NCLN: variants seen among roughly 807,000 people sequenced by gnomAD.
NCLN encodes BOS complex subunit NCLN.
A neutral mutation model predicts 69.5 loss-of-function variants in NCLN; 34 were observed. The ratio of observed to expected loss-of-function variants is 0.49; its 90% CI spans 0.37 to 0.65. NCLN has a LOEUF of 0.65. Among genes scored for constraint, NCLN ranks in the 30% least tolerant of loss-of-function variants. NCLN has a pLI of 0.00. For synonymous variants in NCLN, 393 were observed against 358.3 expected, an observed-to-expected ratio of 1.10 and a Z score of -1.09; for missense variants, 710 against 804.8, an observed-to-expected ratio of 0.88 and a Z score of 1.42.
At chr19:3,190,400 T>C (rs1231024253) in intron 1 of NCLN, among the ~76,000 whole-genome samples, 1 of 152,072 alleles carries the variant, frequency 6.6e-6, no homozygotes, top group African/African-American at 2.4e-5. Context: ...CATTCCCACC[T>C]GAGACCTGTG....
At chr19:3,193,225 C>T in intron 2 of NCLN, 59 bp from the exon 3 acceptor site, 2 of 1,545,540 alleles carry the variant, frequency 1.3e-6, no homozygotes, top group Non-Finnish European at 1.7e-6. Flanking sequence ...ACTGGGCCCC[C>T]TGCTACCTTG....
chr19:3,192,987 C>T (rs1423457397), intron 2 of NCLN, among the ~76,000 whole-genome samples: 1 of 136,184 alleles, frequency 7.3e-6, no homozygotes, highest in Admixed American at 9.0e-5. Flanking sequence ...GAGAACCTGC[C>T]TAGAGTGAAC....
At chr19:3,188,253 C>T (rs1915721042) in intron 1 of NCLN, among the ~76,000 whole-genome samples, 3 of 151,846 alleles carry the variant, frequency 2.0e-5, no homozygotes, top group Admixed American at 2.0e-4. Context: ...GTGTGGGCCC[C>T]CTTTCTCTCC....
chr19:3,203,262 T>C (rs773876943), intron 6 of NCLN, among the ~76,000 whole-genome samples: 7 of 151,590 alleles, frequency 4.6e-5, no homozygotes, highest in Non-Finnish European at 7.4e-5. Context: ...GAGCCGAGAC[T>C]GCACCATTGC....
rs1302963547 is a variant in NCLN, at chr19:3,190,178, G to T, written c.185-2292G>T. On this transcript the variant is annotated intron_variant, in intron 1 of 14. Transcript: ENST00000246117. ...CTCCCAGCACTGCAGGAGCCCCAAGGACTCCCTCGAGGTCTTTGCTGCCAT... is the reference window on the plus strand; with the variant it reads ...CTCCCAGCACTGCAGGAGCCCCAAGTACTCCCTCGAGGTCTTTGCTGCCAT... Among the ~76,000 whole-genome samples, 3 of 152,264 alleles carry T rather than the reference G, an allele frequency of 2.0e-5. No homozygotes were observed. The East Asian group carries it at 5.8e-4, about 30-fold the overall frequency.
chr19:3,206,498 C>T (rs1034974212), intron 12 of NCLN, 73 bp downstream of exon 12: 9 of 1,469,708 alleles, frequency 6.1e-6, no homozygotes, highest in Non-Finnish European at 8.2e-6. Context: ...GCATCTCCCA[C>T]CCCCTCACCC....
At chr19:3,186,397 C>T (rs990044125) in intron 1 of NCLN, among the ~76,000 whole-genome samples, 183 bp downstream of exon 1, 8 of 152,026 alleles carry the variant, frequency 5.3e-5, no homozygotes, top group African/African-American at 1.7e-4. Flanking sequence ...GCTCTCCTTG[C>T]CTAGCGCCCA....
chr19:3,207,971 G>T lies in NCLN; in HGVS notation c.*283G>T, dbSNP rs1916321611. On this transcript the variant is annotated 3_prime_UTR_variant, in exon 15 of 15. Transcript: ENST00000246117. Reference sequence around the variant, plus strand: ...TTGCGGACGAGCCCCCCAGTCCTGGGAGCCGGCCGCCCTCGGTCTGGTGTA... The same window carrying T: ...TTGCGGACGAGCCCCCCAGTCCTGGTAGCCGGCCGCCCTCGGTCTGGTGTA... 4.2e-6 allele frequency: 2 copies of T among 472,102 alleles called. No homozygotes were observed. Among genetic ancestry groups the T allele is most frequent in the Non-Finnish European group, 7.7e-6 (2 of 260,278 alleles). 29.2% of individuals were successfully genotyped at this position (472,102 alleles called of 1,614,324 possible).
At chr19:3,200,288 G>A (rs1599355962) in intron 5 of NCLN, among the ~76,000 whole-genome samples, 2 of 145,556 alleles carry the variant, frequency 1.4e-5, no homozygotes, top group South Asian at 2.3e-4. Context: ...AGCTTTTTTT[G>A]TTTTAAATTT....
At chr19:3,196,961 G>A (rs1915975979) in intron 4 of NCLN, among the ~76,000 whole-genome samples, 1 of 152,258 alleles carries the variant, frequency 6.6e-6, no homozygotes, top group African/African-American at 2.4e-5. Context: ...GCTGTTTTGG[G>A]GACCCAGGCC....
Position 3,207,188 on chromosome 19 carries a change from C to A in NCLN, c.1500-10C>A, listed in dbSNP as rs113599850. The A allele has an allele frequency of 1.2e-6, 2 of 1,613,556 alleles. No individual in the cohort carries two copies. The highest frequency in any genetic ancestry group is 1.7e-6 in the Non-Finnish European group (2 of 1,179,982). On this transcript the variant is annotated splice_polypyrimidine_tract_variant and intron_variant, in intron 12 of 14. Coordinates refer to ENST00000246117, the MANE Select transcript of NCLN (RefSeq NM_020170.4). The stretch of plus-strand genomic sequence containing the variant: ...CAGTGGTGCCCCCTGAGAAAGTGCT[C>A]TCTCCCCAGGGACCCAGAGTTTGTC...
Position 3,203,746 on chromosome 19 carries a change from TCCCTC to T in NCLN, c.801-7_801-3del, listed in dbSNP as rs891807813. ...GCCCGTCAAAGCTAACACTGGGTCT[TCCCTC>T]CCAGCTACAACCTCCTGTTCTTTGC... On this transcript the variant is annotated splice_polypyrimidine_tract_variant and splice_region_variant and intron_variant, in intron 6 of 14. Coordinates refer to ENST00000246117, the MANE Select transcript of NCLN (RefSeq NM_020170.4). 4 of 1,607,658 alleles carry T rather than the reference TCCCTC, an allele frequency of 2.5e-6. No individual in the cohort carries two copies. The highest frequency in any genetic ancestry group is 3.4e-6 in the Non-Finnish European group (4 of 1,177,402).
At chr19:3,199,025 C>CAAAGG in intron 5 of NCLN, 128 bp downstream of exon 5, 1 of 589,916 alleles carries the variant, frequency 1.7e-6, no homozygotes, top group Non-Finnish European at 2.6e-6. Context: ...ACGGCCTTTG[C>CAAAGG]CCGTCATCCT....
At position 3,205,834 on chromosome 19, in the gene NCLN, A is replaced by G. The variant is rs1376314973; in HGVS notation, c.1209-105A>G. On this transcript the variant is annotated intron_variant, in intron 9 of 14. Coordinates refer to ENST00000246117, the MANE Select transcript of NCLN (RefSeq NM_020170.4). This position sits in a 1 kb window ranked among gnomAD's most constrained non-coding sequence, Gnocchi z 4.6. ...TTAATTTTTTTTTTTTTTTAAAGAC[A>G]GAGTCTCACGGTCTCCTAGGCTGGA... 3.1e-6 allele frequency: 3 copies of G among 967,382 alleles called. No individual in the cohort carries two copies. The East Asian group carries it at 7.3e-5, about 24-fold the overall frequency. 59.9% of individuals were successfully genotyped at this position (967,382 alleles called of 1,614,324 possible).
In NCLN at chr19:3,186,078, T is replaced by C; in HGVS notation, c.48T>C (p.Ser16=). The change falls in exon 1 of 15, where the codon TCT becomes TCC. Residue 16 remains serine (S), a synonymous_variant. Coordinates refer to ENST00000246117, the MANE Select transcript of NCLN (RefSeq NM_020170.4). ...GEVLENMLKA[S]CLPLGFIVFL... ...TGCTGGAGAACATGCTGAAGGCGTCTTGTCTGCCGCTCGGCTTCATCGTCT... is the reference window on the plus strand; with the variant it reads ...TGCTGGAGAACATGCTGAAGGCGTCCTGTCTGCCGCTCGGCTTCATCGTCT... 1.3e-6 allele frequency: 2 copies of C among 1,599,070 alleles called. No homozygotes were observed. The highest frequency in any genetic ancestry group is 8.5e-7 in the Non-Finnish European group (1 of 1,174,744).
chr19:3,201,852 C>T (rs1341054096), intron 6 of NCLN, among the ~76,000 whole-genome samples: 1 of 152,164 alleles, frequency 6.6e-6, no homozygotes, highest in Non-Finnish European at 1.5e-5. Context: ...CAGGAACCTG[C>T]TGGGAATGCT....
At chr19:3,207,100 A>C (rs1916289837) in intron 12 of NCLN, 98 bp from the exon 13 acceptor site, 39 of 1,350,752 alleles carry the variant, frequency 2.9e-5, no homozygotes, top group Non-Finnish European at 3.9e-5. Flanking sequence ...CTGGGATTGC[A>C]GGTGTGAGCC....
chr19:3,204,878 C>G, intron 9 of NCLN, 127 bp downstream of exon 9: 1 of 1,069,248 alleles, frequency 9.4e-7, no homozygotes, highest in Non-Finnish European at 1.2e-6. Context: ...GAGGAAGGGG[C>G]CGGTGCGTGG....
chr19:3,189,789 G>A (rs1017650778), intron 1 of NCLN, among the ~76,000 whole-genome samples: 1 of 152,238 alleles, frequency 6.6e-6, no homozygotes, highest in East Asian at 1.9e-4. Context: ...TGGGGAGATG[G>A]GCCTTGGCCA....
Sources: gnomAD v4.1 joint callset for allele counts (sites outside exome capture counted in the v4.1 genomes callset) on GRCh38, gnomAD v4.1.1 for gene constraint, Gnocchi (gnomAD v3.1) non-coding constraint, MANE v1.5 for transcripts, NCBI Gene and HGNC (gene_info 2026-07-23, HGNC 2026-07-21) for gene names.